FRMD6: variants seen among roughly 807,000 people sequenced by gnomAD.
The protein encoded by FRMD6 is FERM domain containing 6, also known as FERM domain-containing protein 6.
Under a neutral mutation model 73.2 loss-of-function variants are expected in FRMD6, and 37 were observed. The ratio of observed to expected loss-of-function variants is 0.51; its 90% CI spans 0.39 to 0.66. The LOEUF is 0.66. FRMD6 is among the 30% of genes least tolerant of loss of function. The pLI is 0.00. For missense variants in FRMD6, 714 were observed against 780.5 expected, an observed-to-expected ratio of 0.91 and a Z score of 1.02; for synonymous variants, 273 against 282.2, an observed-to-expected ratio of 0.97 and a Z score of 0.33.
chr14:51,694,437 C>T (rs543479256), intron 2 of FRMD6, among the ~76,000 whole-genome samples: 18 of 152,260 alleles, frequency 1.2e-4, no homozygotes, highest in African/African-American at 4.3e-4. Context: ...CACCTGTAAT[C>T]CCAGCATTTT....
intron 2 of FRMD6, among the ~76,000 whole-genome samples, chr14:51,692,198 G>A (rs1895637694): frequency 6.6e-6 from 1 of 152,036 alleles, no homozygotes; most frequent in African/African-American, 2.4e-5. Flanking sequence ...AACTGAAATT[G>A]TTTTTGGATG....
chr14:51,526,433 A>G (rs1176284863), intron 1 of FRMD6, among the ~76,000 whole-genome samples: 1 of 152,118 alleles, frequency 6.6e-6, no homozygotes, highest in Non-Finnish European at 1.5e-5. Flanking sequence ...TCAATAACTG[A>G]CAGGAGTTAG....
chr14:51,603,593 T>A (rs370970254), intron 2 of FRMD6, among the ~76,000 whole-genome samples: 15 of 152,170 alleles, frequency 9.9e-5, no homozygotes, highest in African/African-American at 3.6e-4. Flanking sequence ...ATGTTAGATA[T>A]TTTTTCATCC....
chr14:51,616,628 C>T (rs1890727093), intron 2 of FRMD6, among the ~76,000 whole-genome samples: 1 of 152,026 alleles, frequency 6.6e-6, no homozygotes, highest in Non-Finnish European at 1.5e-5. Context: ...GTTTACTGGC[C>T]TGGGGTGGTA....
At chr14:51,432,830 T>A in the FRMD6 span, among the ~76,000 whole-genome samples, 1 of 152,146 alleles carries the variant, frequency 6.6e-6, no homozygotes, top group African/African-American at 2.4e-5. Flanking sequence ...AAGGTCTCCA[T>A]GGAGCTCAAT....
At chr14:51,425,558 C>A in the FRMD6 span, among the ~76,000 whole-genome samples, 2 of 152,176 alleles carry the variant, frequency 1.3e-5, no homozygotes, top group Non-Finnish European at 2.9e-5. Flanking sequence ...TTTTCCAGTT[C>A]TCATATTCTG....
chr14:51,501,328 C>T (rs969601353), intron 1 of FRMD6, among the ~76,000 whole-genome samples: 1 of 152,088 alleles, frequency 6.6e-6, no homozygotes, highest in Non-Finnish European at 1.5e-5. Flanking sequence ...GGTATTAAGC[C>T]CAGCATCCAT....
intron 2 of FRMD6, among the ~76,000 whole-genome samples, chr14:51,627,185 G>A (rs1891149770): frequency 6.6e-6 from 1 of 152,098 alleles, no homozygotes; most frequent in African/African-American, 2.4e-5. Context: ...TACTGTGACT[G>A]GATGAAGTTG....
chr14:51,716,139 G>T (rs1241023483), intron 10 of FRMD6, among the ~76,000 whole-genome samples: 1 of 152,064 alleles, frequency 6.6e-6, no homozygotes, highest in African/African-American at 2.4e-5. Context: ...ATCATGTCAG[G>T]GTGGGAAAGA....
chr14:51,442,537 C>G, the FRMD6 span, among the ~76,000 whole-genome samples: 2 of 152,200 alleles, frequency 1.3e-5, no homozygotes, highest in East Asian at 1.9e-4. Context: ...TAGCAAACTT[C>G]TAGAAAGCCT....
intron 2 of FRMD6, among the ~76,000 whole-genome samples, chr14:51,625,208 T>G (rs1891071361): frequency 6.6e-6 from 1 of 152,190 alleles, no homozygotes; most frequent in African/African-American, 2.4e-5. Flanking sequence ...ACTTGGCATA[T>G]TACTTCCAGC....
the FRMD6 span, among the ~76,000 whole-genome samples, chr14:51,467,219 A>G: frequency 8.4e-6 from 1 of 119,156 alleles, no homozygotes; most frequent in Non-Finnish European, 1.8e-5. Context: ...CACATCTTGC[A>G]CCGCCCTTAA....
At chr14:51,451,265 C>T in the FRMD6 span, among the ~76,000 whole-genome samples, 22 of 152,186 alleles carry the variant, frequency 1.4e-4, no homozygotes, top group African/African-American at 5.3e-4. Flanking sequence ...GAAATTTGAT[C>T]CTCAATGTTG....
chr14:51,658,154 A>G (rs74678789), intron 1 of FRMD6, among the ~76,000 whole-genome samples: 1,625 of 152,262 alleles, frequency 0.011, 30 homozygotes, highest in African/African-American at 0.037. Context: ...TGCCTGGAGG[A>G]TGGGTGCCCT....
intron 1 of FRMD6, among the ~76,000 whole-genome samples, chr14:51,502,276 G>C (rs1883669985): frequency 2.6e-5 from 4 of 152,296 alleles, no homozygotes; most frequent in South Asian, 2.1e-4. Context: ...CTTTGCCTGT[G>C]TCTGTGTCCT....
intron 1 of FRMD6, among the ~76,000 whole-genome samples, chr14:51,657,594 T>C (rs1892927008): frequency 6.6e-6 from 1 of 152,198 alleles, no homozygotes; most frequent in South Asian, 2.1e-4. Context: ...CTTTATCCAT[T>C]TTGTTGGTGG....
intron 2 of FRMD6, among the ~76,000 whole-genome samples, chr14:51,623,506 G>A (rs1383955487): frequency 1.3e-5 from 2 of 152,146 alleles, no homozygotes; most frequent in African/African-American, 2.4e-5. Flanking sequence ...TCATATTTTT[G>A]AAAGGACACA....
chr14:51,549,521 C>T (rs969645276), intron 1 of FRMD6, among the ~76,000 whole-genome samples: 2 of 151,904 alleles, frequency 1.3e-5, no homozygotes, highest in Admixed American at 6.6e-5. Context: ...TGCATTAGTG[C>T]CCTCTATTGC....
intron 12 of FRMD6, among the ~76,000 whole-genome samples, chr14:51,722,425 A>G (rs1469877370): frequency 4.6e-5 from 7 of 152,238 alleles, no homozygotes; most frequent in African/African-American, 1.7e-4. Flanking sequence ...CTTTTTACAG[A>G]TAAGTTAACC....
Sources: gnomAD v4.1 joint callset for allele counts (sites outside exome capture counted in the v4.1 genomes callset) on GRCh38, gnomAD v4.1.1 for gene constraint, MANE v1.5 for transcripts, NCBI Gene and HGNC (gene_info 2026-07-23, HGNC 2026-07-21) for gene names.